Variants in FANCB observed in about 807,000 individuals in gnomAD.
The protein encoded by FANCB is FA complementation group B.
FANCB carries 5 observed loss-of-function variants against 38.9 expected under a neutral mutation model. The observed-to-expected ratio is 0.13, with a 90% CI of 0.07 to 0.27. The LOEUF (loss-of-function observed/expected upper bound fraction) is 0.27. FANCB is among the 10% of genes least tolerant of loss of function. FANCB has a pLI of 1.00. For missense variants in FANCB, 573 were observed against 602.7 expected, an observed-to-expected ratio of 0.95 and a Z score of 0.52; for synonymous variants, 236 against 215.4, an observed-to-expected ratio of 1.10 and a Z score of -0.84.
chrX:14,742,244 T>G, the FANCB span, among the ~76,000 whole-genome samples: 1 of 111,943 alleles, frequency 8.9e-6, no homozygotes, highest in African/African-American at 3.2e-5. Flanking sequence ...CCTGATTCCT[T>G]TCTAACCATT....
At chrX:14,736,671 C>T in the FANCB span, among the ~76,000 whole-genome samples, 1 of 111,559 alleles carries the variant, frequency 9.0e-6, no homozygotes, top group Non-Finnish European at 1.9e-5. Context: ...CAGACTGGAG[C>T]TGTTCCTATT....
At chrX:14,740,964 A>G in the FANCB span, among the ~76,000 whole-genome samples, 2 of 110,561 alleles carry the variant, frequency 1.8e-5, no homozygotes, top group African/African-American at 3.3e-5. Context: ...ACACATGCAC[A>G]CACACACACA....
At chrX:14,733,516 T>C in the FANCB span, among the ~76,000 whole-genome samples, 6 of 112,117 alleles carry the variant, frequency 5.4e-5, no homozygotes, top group Non-Finnish European at 9.4e-5. Context: ...GGAATGTTTT[T>C]CCATTTGTGT....
chrX:14,760,155 A>G, the FANCB span, among the ~76,000 whole-genome samples: 1 of 112,588 alleles, frequency 8.9e-6, no homozygotes, highest in South Asian at 3.6e-4. Context: ...TTCACACATA[A>G]CAATATTAAC....
At chrX:14,761,944 G>C in the FANCB span, among the ~76,000 whole-genome samples, 1 of 111,430 alleles carries the variant, frequency 9.0e-6, no homozygotes, top group African/African-American at 3.3e-5. Context: ...TGAAAATGGA[G>C]GTTAGGTGGA....
the FANCB span, among the ~76,000 whole-genome samples, chrX:14,717,091 T>G: frequency 1.8e-5 from 2 of 111,642 alleles, no homozygotes; most frequent in African/African-American, 6.5e-5. Flanking sequence ...AATTATGTGC[T>G]TCCAGAGCCA....
At chrX:14,751,424 C>T in the FANCB span, among the ~76,000 whole-genome samples, 2 of 111,888 alleles carry the variant, frequency 1.8e-5, no homozygotes, top group Non-Finnish European at 3.8e-5. Context: ...AAGTTCCAAA[C>T]AGACAAAATT....
At chrX:14,713,116 A>C in the FANCB span, among the ~76,000 whole-genome samples, 12 of 111,998 alleles carry the variant, frequency 1.1e-4, no homozygotes, top group Non-Finnish European at 1.7e-4. Context: ...AAGCACGATA[A>C]AGATCTAGAG....
the FANCB span, among the ~76,000 whole-genome samples, chrX:14,773,383 G>A: frequency 4.5e-5 from 5 of 111,942 alleles, no homozygotes; most frequent in African/African-American, 1.6e-4. Context: ...TACCTCTTGT[G>A]AATAGTAAGG....
chrX:14,852,372 T>C (rs974366058), intron 6 of FANCB, among the ~76,000 whole-genome samples: 6 of 110,354 alleles, frequency 5.4e-5, no homozygotes, highest in Non-Finnish European at 9.5e-5. Context: ...TCTCACCATG[T>C]TGGCCAGGAC....
chrX:14,843,952 T>C lies in FANCB; in HGVS notation c.2195A>G (p.His732Arg), dbSNP rs768405501. 2.0e-5 allele frequency: 24 copies of C among 1,203,791 alleles called. No individual in the cohort carries two copies. Among genetic ancestry groups the C allele is most frequent in the Non-Finnish European group, 2.6e-5 (23 of 889,566 alleles). Residue 732 changes from histidine to arginine, a missense_variant, in exon 10 of 10, where the codon CAT (histidine) becomes CGT (arginine). By Grantham distance (29) the His-to-Arg change is conservative (BLOSUM62 0). Coordinates refer to ENST00000650831, the MANE Select transcript of FANCB (RefSeq NM_001018113.3). ...TATAGGGAGAATTCTGATGAGATTA[T>C]GAAGGCACTGGAACATAACTGTTTG... ...RNQTVMFQCL[H>R]NLIRILPINC...
At chrX:14,707,382 A>C in the FANCB span, among the ~76,000 whole-genome samples, 2 of 111,658 alleles carry the variant, frequency 1.8e-5, no homozygotes, top group East Asian at 5.6e-4. Flanking sequence ...GTTAGGAGCA[A>C]GCAAGATTAT....
the FANCB span, among the ~76,000 whole-genome samples, chrX:14,701,563 G>A: frequency 1.8e-5 from 2 of 110,833 alleles, no homozygotes; most frequent in East Asian, 2.8e-4. Context: ...TATGAATCAC[G>A]TGATGGTCCA....
downstream of FANCB, among the ~76,000 whole-genome samples, chrX:14,834,045 T>C (rs1039347715): frequency 9.0e-6 from 1 of 111,489 alleles, no homozygotes; most frequent in Non-Finnish European, 1.9e-5. Context: ...GCTTTTAAAC[T>C]GATGCCAAGG....
At chrX:14,786,052 G>A in the FANCB span, among the ~76,000 whole-genome samples, 5 of 111,971 alleles carry the variant, frequency 4.5e-5, no homozygotes, top group Admixed American at 9.5e-5. Flanking sequence ...CCTCAGCTGA[G>A]CCCAGGTGGA....
chrX:14,826,061 G>A, the FANCB span, among the ~76,000 whole-genome samples: 1 of 112,066 alleles, frequency 8.9e-6, no homozygotes, highest in East Asian at 2.8e-4. Flanking sequence ...AGGGAAACCA[G>A]CCATGTGTTT....
At chrX:14,759,735 A>G in the FANCB span, among the ~76,000 whole-genome samples, 2 of 110,804 alleles carry the variant, frequency 1.8e-5, no homozygotes, top group Non-Finnish European at 3.8e-5. Context: ...GAAACCCTTG[A>G]AATACACCAA....
chrX:14,813,811 A>C, the FANCB span, among the ~76,000 whole-genome samples: 4 of 111,898 alleles, frequency 3.6e-5, no homozygotes, highest in African/African-American at 1.3e-4. Context: ...TCTTCACAGA[A>C]TTGGAAAAAA....
chrX:14,739,306 A>G, the FANCB span, among the ~76,000 whole-genome samples: 1 of 112,000 alleles, frequency 8.9e-6, no homozygotes, highest in African/African-American at 3.2e-5. Context: ...CCCAGATCAC[A>G]AAGAGTCAAT....
Sources: allele counts gnomAD v4.1 joint callset (sites outside exome capture counted in the v4.1 genomes callset), GRCh38; gene constraint gnomAD v4.1.1; transcripts MANE v1.5; gene names NCBI Gene and HGNC (gene_info 2026-07-23, HGNC 2026-07-21).